POC1B: variants seen among roughly 807,000 people sequenced by gnomAD.
POC1B encodes POC1 centriolar protein homolog B.
In POC1B, 44 loss-of-function variants were observed where a neutral mutation model predicts 60.6. The ratio of observed to expected loss-of-function variants is 0.73; its 90% confidence interval spans 0.57 to 0.93. The LOEUF is 0.93. POC1B is among the 40% of genes least tolerant of loss of function. The pLI is 0.00. For synonymous variants in POC1B, 180 were observed against 198.9 expected (o/e 0.90, Z 0.80); for missense variants, 555 against 572.3 (o/e 0.97, Z 0.31).
intron 2 of POC1B, among the ~76,000 whole-genome samples, chr12:89,498,244 G>A (rs1869357019): frequency 6.6e-6 from 1 of 152,168 alleles, no homozygotes. Flanking sequence ...AATCGTGTGT[G>A]TCAGACAATA....
chr12:89,513,621 G>C (rs1017911876), intron 2 of POC1B, among the ~76,000 whole-genome samples: 1 of 152,192 alleles, frequency 6.6e-6, no homozygotes, highest in Non-Finnish European at 1.5e-5. Flanking sequence ...ATGGAAAAGG[G>C]TATGGTTCTG....
chr12:89,437,633 C>CA, intron 10 of POC1B, among the ~76,000 whole-genome samples: 1 of 142,832 alleles, frequency 7.0e-6, no homozygotes, highest in Non-Finnish European at 1.5e-5. Context: ...TTTATTTAAA[C>CA]ACTCCACTAA....
the POC1B span, among the ~76,000 whole-genome samples, chr12:89,412,807 G>GTTCCTTCCTTCCTTCCTTCCTTCC: frequency 7.8e-5 from 10 of 127,486 alleles, no homozygotes; most frequent in African/African-American, 2.9e-4. Flanking sequence ...AGAAACACAT[G>GTTCCTTCCTTCCTTCCTTCCTTCC]TTCCTTCCTT....
At chr12:89,498,225 A>G (rs1383149243) in intron 2 of POC1B, among the ~76,000 whole-genome samples, 8 of 152,230 alleles carry the variant, frequency 5.3e-5, no homozygotes, top group Admixed American at 5.2e-4. Context: ...TTAATAAAAG[A>G]ATTAAAAGAA....
chr12:89,525,642 C>T, intron 1 of POC1B: 1 of 1,284,104 alleles, frequency 7.8e-7, no homozygotes, highest in Non-Finnish European at 9.9e-7. Context: ...GGCCGCCCAG[C>T]TCAGTCCGGA....
At chr12:89,521,824 C>A in intron 2 of POC1B, 1 of 395,958 alleles carries the variant, frequency 2.5e-6, no homozygotes, top group South Asian at 1.4e-4. Flanking sequence ...AAGATAAATT[C>A]TTAAATTTCC....
Position 89,425,253 on chromosome 12 carries a change from T to C in POC1B, c.1240A>G (p.Ser414Gly), listed in dbSNP as rs2120651775. The C allele has an allele frequency of 2.5e-6, 4 of 1,614,178 alleles. No homozygotes were observed. Among genetic ancestry groups the C allele is most frequent in the South Asian group, 2.2e-5 (2 of 91,084 alleles). Residue 414 changes from serine to glycine, a missense_variant, in exon 11 of 12, where the codon AGT becomes GGT. Physicochemically the swap from Ser to Gly is moderately conservative, Grantham distance 56. Transcript: ENST00000313546. The part of the protein sequence containing the change: ...TTTKKKTEDM[S>G]DLPCESQRSI... ...CTTTGACTTTCACAGGGGAGGTCAC[T>C]CATGTCTTCTGTTTTCTTTTTCGTG...
chr12:89,504,083 G>T lies in POC1B; in HGVS notation c.101-6741C>A, dbSNP rs574238937. Among the ~76,000 whole-genome samples, 455 of 152,296 alleles carry T rather than the reference G, an allele frequency of 3.0e-3. 2 individuals are homozygous for T. The highest frequency in any genetic ancestry group is 6.8e-3 in the Middle Eastern group (2 of 294). Reference sequence around the variant, plus strand: ...GGGAAGTGAGGAGCCCCTCTGCCCGGCCACCACCCCATCTGGGAGGTGTAC... The same window carrying T: ...GGGAAGTGAGGAGCCCCTCTGCCCGTCCACCACCCCATCTGGGAGGTGTAC... On this transcript the variant is annotated intron_variant, in intron 2 of 11. Transcript: ENST00000313546.
chr12:89,503,916 C>T (rs1248730003), intron 2 of POC1B, among the ~76,000 whole-genome samples: 1 of 143,886 alleles, frequency 6.9e-6, no homozygotes, highest in Non-Finnish European at 1.5e-5. Context: ...GGAGCCCCTC[C>T]GCCCCGCAGC....
intron 4 of POC1B, among the ~76,000 whole-genome samples, chr12:89,484,056 T>C (rs1407073899): frequency 6.6e-6 from 1 of 152,210 alleles, no homozygotes; most frequent in Non-Finnish European, 1.5e-5. Context: ...TAAAACAGCA[T>C]AAAATTAATT....
At chr12:89,474,131 G>A (rs1481192289) in intron 4 of POC1B, among the ~76,000 whole-genome samples, 7 of 151,808 alleles carry the variant, frequency 4.6e-5, no homozygotes, top group East Asian at 1.9e-4. Flanking sequence ...GCTCGAACCC[G>A]GGAGGCAGAG....
rs1310050866 is a variant in POC1B at position 89,467,704 on chromosome 12, T to A, written c.811-19A>T. On this transcript the variant is annotated intron_variant, in intron 7 of 11. Coordinates refer to ENST00000313546, the MANE Select transcript of POC1B (RefSeq NM_172240.3). ...CAGGTCCCTGAGAAATAAAGGGAAA[T>A]AAAGAAAAAAAGTACTTGGTAATGC... 3 of 1,587,728 alleles carry A rather than the reference T, an allele frequency of 1.9e-6. No homozygotes were observed. Among genetic ancestry groups the A allele is most frequent in the Non-Finnish European group, 2.6e-6 (3 of 1,160,644 alleles).
At chr12:89,477,110 T>A (rs994046105) in intron 4 of POC1B, among the ~76,000 whole-genome samples, 1 of 151,986 alleles carries the variant, frequency 6.6e-6, no homozygotes, top group African/African-American at 2.4e-5. Flanking sequence ...AATGAAGGAG[T>A]CTGGATTGAA....
At chr12:89,494,576 G>A (rs1022927091) in intron 3 of POC1B, among the ~76,000 whole-genome samples, 1 of 152,166 alleles carries the variant, frequency 6.6e-6, no homozygotes, top group African/African-American at 2.4e-5. Flanking sequence ...ATGTCTCTCT[G>A]CTTCAAAGGA....
intron 2 of POC1B, chr12:89,501,159 T>C: frequency 1.4e-6 from 2 of 1,406,802 alleles, no homozygotes; most frequent in Admixed American, 1.7e-5. Flanking sequence ...AGCATCATAA[T>C]ATATTAGCTA....
intron 2 of POC1B, among the ~76,000 whole-genome samples, chr12:89,509,926 AC>A (rs374678648): frequency 9.2e-5 from 14 of 152,194 alleles, no homozygotes; most frequent in African/African-American, 3.4e-4. Context: ...GCTCACTGCA[AC>A]CTCTGCCTCC....
intron 4 of POC1B, 53 bp from the exon 5 acceptor site, chr12:89,472,328 C>T: frequency 8.8e-7 from 1 of 1,137,954 alleles, no homozygotes; most frequent in Non-Finnish European, 1.3e-6. Context: ...GGAGAGTCAC[C>T]ACCTCACCTC....
intron 4 of POC1B, among the ~76,000 whole-genome samples, chr12:89,491,294 A>G (rs1868954715): frequency 6.6e-6 from 1 of 152,086 alleles, no homozygotes; most frequent in Non-Finnish European, 1.5e-5. Context: ...TCTTACAGAA[A>G]GGTCACACTT....
intron 2 of POC1B, chr12:89,522,622 A>T (rs1870979624): frequency 5.5e-6 from 3 of 543,772 alleles, no homozygotes; most frequent in Non-Finnish European, 8.7e-6. Context: ...GCATTGTGAA[A>T]TATTAAACAG....
Sources: allele counts gnomAD v4.1 joint callset (sites outside exome capture counted in the v4.1 genomes callset), GRCh38; gene constraint gnomAD v4.1.1; transcripts MANE v1.5; gene names NCBI Gene and HGNC (gene_info 2026-07-23, HGNC 2026-07-21).